The following AUTS2 variants were observed in gnomAD, a reference collection of about 807,000 sequenced individuals.
AUTS2 encodes activator of transcription and developmental regulator AUTS2.
AUTS2 carries 17 observed loss-of-function variants against 112.4 expected under a neutral mutation model. The ratio of observed to expected loss-of-function variants is 0.15; its 90% CI spans 0.10 to 0.23. The LOEUF (loss-of-function observed/expected upper bound fraction) is 0.23, where lower values mean the gene tolerates loss of function less well. Ranked by LOEUF, AUTS2 falls within the 10% of genes least tolerant of loss-of-function variation. AUTS2 has a pLI of 1.00. For synonymous variants in AUTS2, 751 were observed against 702.7 expected (o/e 1.07, Z -1.09); for missense variants, 1,510 against 1,701.6 (o/e 0.89, Z 1.98).
chr7:70,677,526 C>T (rs1410597220), intron 5 of AUTS2, among the ~76,000 whole-genome samples: 1 of 152,156 alleles, frequency 6.6e-6, no homozygotes, highest in Non-Finnish European at 1.5e-5. Flanking sequence ...GTTCTGCCTC[C>T]TAAGTGTGTT....
At chr7:69,624,687 T>C (rs1299349391) in intron 1 of AUTS2, among the ~76,000 whole-genome samples, 1 of 152,222 alleles carries the variant, frequency 6.6e-6, no homozygotes, top group Non-Finnish European at 1.5e-5. Context: ...TTCCCCTCTC[T>C]GCCTCATGCT....
chr7:70,108,972 C>T (rs1804926849), intron 2 of AUTS2, among the ~76,000 whole-genome samples: 1 of 152,010 alleles, frequency 6.6e-6, no homozygotes, highest in Non-Finnish European at 1.5e-5. Flanking sequence ...GCCCCTTTGT[C>T]AGGGTCTTGC....
intron 1 of AUTS2, among the ~76,000 whole-genome samples, chr7:69,617,390 C>T (rs909441218): frequency 2.6e-5 from 4 of 151,904 alleles, no homozygotes; most frequent in African/African-American, 9.7e-5. Context: ...TTGAAGGAAG[C>T]GAGGGAGCAA....
intron 1 of AUTS2, among the ~76,000 whole-genome samples, chr7:69,855,962 T>A (rs1295843517): frequency 6.6e-6 from 1 of 152,128 alleles, no homozygotes; most frequent in Non-Finnish European, 1.5e-5. Flanking sequence ...TTTTTAAGAG[T>A]TATTTTCTTG....
intron 1 of AUTS2, among the ~76,000 whole-genome samples, chr7:69,726,293 A>G (rs1786509909): frequency 6.6e-6 from 1 of 152,216 alleles, no homozygotes; most frequent in Non-Finnish European, 1.5e-5. Context: ...ATGGAATTAT[A>G]CAAGTATGTG....
intron 15 of AUTS2, 77 bp from the exon 16 acceptor site, chr7:70,784,864 CT>C: frequency 7.3e-7 from 1 of 1,362,816 alleles, no homozygotes; most frequent in Non-Finnish European, 1.0e-6. Flanking sequence ...TCACGGGGCC[CT>C]TAAGCAAGTA....
chr7:70,522,604 C>T (rs1799688985), intron 5 of AUTS2, among the ~76,000 whole-genome samples: 1 of 152,196 alleles, frequency 6.6e-6, no homozygotes, highest in Non-Finnish European at 1.5e-5. Context: ...TGGCCTCTAG[C>T]TGTATCCATA....
chr7:70,741,466 C>T (rs184490559), intron 6 of AUTS2, among the ~76,000 whole-genome samples: 3 of 151,890 alleles, frequency 2.0e-5, no homozygotes, highest in Admixed American at 6.6e-5. Context: ...CTGAGGCAGG[C>T]GGATCATCTG....
chr7:70,744,740 G>T (rs532850851), intron 6 of AUTS2, among the ~76,000 whole-genome samples: 1 of 152,158 alleles, frequency 6.6e-6, no homozygotes, highest in African/African-American at 2.4e-5. Flanking sequence ...TTGTGTCTTT[G>T]TACAGTTGGA....
intron 5 of AUTS2, among the ~76,000 whole-genome samples, chr7:70,524,441 TA>T (rs1799761441): frequency 6.6e-6 from 1 of 152,204 alleles, no homozygotes; most frequent in Non-Finnish European, 1.5e-5. Flanking sequence ...TCCACATTGA[TA>T]AATATTTATC....
chr7:69,697,869 T>C (rs1379967123), intron 1 of AUTS2, among the ~76,000 whole-genome samples: 1 of 152,348 alleles, frequency 6.6e-6, no homozygotes, highest in East Asian at 1.9e-4. Context: ...GAACTTTCTG[T>C]AGTGGATCAG....
chr7:69,744,010 C>G (rs1013039115), intron 1 of AUTS2, among the ~76,000 whole-genome samples: 1 of 151,996 alleles, frequency 6.6e-6, no homozygotes. Flanking sequence ...CTGTGTTTCT[C>G]AGGCTGGTTT....
chr7:70,361,473 T>C (rs1012304811), intron 4 of AUTS2, among the ~76,000 whole-genome samples: 1 of 152,184 alleles, frequency 6.6e-6, no homozygotes, highest in Admixed American at 6.5e-5. Context: ...TGTTGTGATC[T>C]CCGGGCATGT....
At chr7:69,997,238 A>G (rs565549810) in intron 2 of AUTS2, among the ~76,000 whole-genome samples, 3 of 152,182 alleles carry the variant, frequency 2.0e-5, no homozygotes, top group Non-Finnish European at 4.4e-5. Context: ...GTGTGAGGTA[A>G]TAATACCAAG....
chr7:70,496,646 ACATG>A (rs1798533364), intron 5 of AUTS2, among the ~76,000 whole-genome samples: 1 of 139,634 alleles, frequency 7.2e-6, no homozygotes, highest in East Asian at 2.4e-4. Context: ...CACACCCCAC[ACATG>A]CACACGTCAC....
At chr7:69,658,243 C>G (rs895534024) in intron 1 of AUTS2, among the ~76,000 whole-genome samples, 2 of 152,182 alleles carry the variant, frequency 1.3e-5, no homozygotes, top group East Asian at 3.9e-4. Context: ...CTATCTGGCA[C>G]TTCACAGAAG....
intron 3 of AUTS2, among the ~76,000 whole-genome samples, chr7:70,128,426 G>C (rs1202149188): frequency 6.6e-6 from 1 of 152,138 alleles, no homozygotes; most frequent in Non-Finnish European, 1.5e-5. Flanking sequence ...AAGGGCGGGA[G>C]TTTGTTGCTA....
intron 5 of AUTS2, among the ~76,000 whole-genome samples, chr7:70,522,729 G>A (rs1165730674): frequency 6.6e-6 from 1 of 152,156 alleles, no homozygotes; most frequent in South Asian, 2.1e-4. Context: ...GGTTGCTTCT[G>A]TGTCTTTGCT....
At chr7:70,409,675 C>A (rs1033995380) in intron 4 of AUTS2, among the ~76,000 whole-genome samples, 4 of 152,124 alleles carry the variant, frequency 2.6e-5, no homozygotes, top group African/African-American at 4.8e-5. Flanking sequence ...ATCTTAACTG[C>A]CTTAGCCTTT....
Sources: allele counts gnomAD v4.1 joint callset (sites outside exome capture counted in the v4.1 genomes callset), GRCh38; gene constraint gnomAD v4.1.1; transcripts MANE v1.5; gene names NCBI Gene and HGNC (gene_info 2026-07-23, HGNC 2026-07-21).